The following STXBP4 variants were observed in gnomAD, a reference collection of about 807,000 sequenced individuals.
The protein encoded by STXBP4 is syntaxin-binding protein 4.
In STXBP4, 55 loss-of-function variants were observed where a neutral mutation model predicts 76.1. The ratio of observed to expected loss-of-function variants is 0.72; its 90% confidence interval spans 0.58 to 0.91. STXBP4 has a LOEUF of 0.91. STXBP4 is among the 40% of genes least tolerant of loss of function. The probability of loss-of-function intolerance (pLI) is 0.00; values close to 1 mark genes in which losing one functional copy is unlikely to be tolerated. For missense variants in STXBP4, 618 were observed against 636.9 expected, an observed-to-expected ratio of 0.97 and a Z score of 0.32; for synonymous variants, 201 against 220.2, an observed-to-expected ratio of 0.91 and a Z score of 0.77.
At chr17:54,973,064 G>GGGTAGGA (rs1305310297) in intron 1 of STXBP4, among the ~76,000 whole-genome samples, 1 of 152,178 alleles carries the variant, frequency 6.6e-6, no homozygotes, top group Non-Finnish European at 1.5e-5. Flanking sequence ...ATTTTAGAAA[G>GGGTAGGA]GGTAGGAGGA....
At position 55,053,707 on chromosome 17, in the gene STXBP4, T is replaced by C. The variant is rs980449922; in HGVS notation, c.1011+6553T>C. On this transcript the variant is annotated intron_variant, in intron 12 of 17. Transcript: ENST00000376352. ...AAATATTTTTGTACTTTAATTGATA[T>C]GACTTTTTAGTGCTTTTCATTCTGT... 4.6e-5 allele frequency among the ~76,000 whole-genome samples: 7 copies of C among 152,296 alleles called. No homozygotes were observed. The East Asian group carries it at 7.7e-4, about 17-fold the overall frequency.
At chr17:55,145,930 T>C (rs1031868314) in intron 17 of STXBP4, among the ~76,000 whole-genome samples, 1 of 152,216 alleles carries the variant, frequency 6.6e-6, no homozygotes, top group African/African-American at 2.4e-5. Flanking sequence ...TAACAAACCA[T>C]CCATGATCTT....
chr17:55,105,672 G>T (rs1598317853), intron 16 of STXBP4, among the ~76,000 whole-genome samples: 1 of 151,538 alleles, frequency 6.6e-6, no homozygotes, highest in Non-Finnish European at 1.5e-5. Flanking sequence ...TAGAGACGGG[G>T]TTTCACTGTG....
intron 10 of STXBP4, among the ~76,000 whole-genome samples, chr17:55,038,040 A>G (rs573667448): frequency 6.6e-5 from 10 of 152,226 alleles, no homozygotes; most frequent in African/African-American, 2.4e-4. Flanking sequence ...GAATTCCACT[A>G]TGGTTACCCT....
chr17:55,116,980 A>T (rs997330637), intron 16 of STXBP4, among the ~76,000 whole-genome samples: 3 of 151,892 alleles, frequency 2.0e-5, no homozygotes, highest in African/African-American at 7.2e-5. Context: ...AATACTGCAG[A>T]TGAGTTAATA....
intron 16 of STXBP4, among the ~76,000 whole-genome samples, chr17:55,083,349 G>C (rs1339980106): frequency 6.6e-6 from 1 of 152,084 alleles, no homozygotes; most frequent in Admixed American, 6.6e-5. Context: ...AAAGTTGTTT[G>C]ATTATTAAAT....
chr17:55,042,070 G>A (rs949240568), intron 10 of STXBP4, among the ~76,000 whole-genome samples: 2 of 152,134 alleles, frequency 1.3e-5, no homozygotes, highest in African/African-American at 4.8e-5. Context: ...TAATGTGACA[G>A]ACCAAAAAGA....
intron 12 of STXBP4, among the ~76,000 whole-genome samples, chr17:55,053,779 T>A (rs974399043): frequency 6.6e-6 from 1 of 152,188 alleles, no homozygotes; most frequent in Non-Finnish European, 1.5e-5. Context: ...TTTTTACATT[T>A]TAGCGTTTGC....
intron 17 of STXBP4, among the ~76,000 whole-genome samples, chr17:55,153,144 T>C (rs1044288046): frequency 6.6e-6 from 1 of 152,220 alleles, no homozygotes. Flanking sequence ...AAAATAAGAA[T>C]ATAATTCTTT....
intron 8 of STXBP4, among the ~76,000 whole-genome samples, chr17:55,014,223 T>C (rs2078163934): frequency 6.6e-6 from 1 of 152,112 alleles, no homozygotes; most frequent in Non-Finnish European, 1.5e-5. Flanking sequence ...TTGAACAGGA[T>C]GGGCATTCTT....
intron 8 of STXBP4, among the ~76,000 whole-genome samples, chr17:55,015,367 G>C (rs978157639): frequency 6.6e-6 from 1 of 152,170 alleles, no homozygotes; most frequent in African/African-American, 2.4e-5. Flanking sequence ...TCTTTCCTCT[G>C]TTGTCATCCT....
intron 13 of STXBP4, among the ~76,000 whole-genome samples, chr17:55,077,348 G>A (rs1416013018): frequency 1.3e-5 from 2 of 152,104 alleles, no homozygotes; most frequent in African/African-American, 2.4e-5. Flanking sequence ...TGGCTTTTTA[G>A]GCCACACAGA....
chr17:55,073,104 TA>T, intron 13 of STXBP4, 28 bp downstream of exon 13: 1 of 1,606,174 alleles, frequency 6.2e-7, no homozygotes, highest in South Asian at 1.1e-5. Context: ...CTCTTCCAGT[TA>T]CCATGGTTTC....
At chr17:55,043,471 T>TTCAG in intron 11 of STXBP4, 146 bp downstream of exon 11, 1 of 777,102 alleles carries the variant, frequency 1.3e-6, no homozygotes, top group Non-Finnish European at 2.0e-6. Flanking sequence ...AGATTCTTTA[T>TTCAG]TCAGTTGGCC....
intron 12 of STXBP4, among the ~76,000 whole-genome samples, chr17:55,066,816 G>A (rs536302856): frequency 4.8e-4 from 73 of 152,062 alleles, no homozygotes; most frequent in Non-Finnish European, 8.2e-4. Context: ...AACCTGGGAG[G>A]CGGAGGTTGC....
At chr17:55,029,050 T>A (rs1243097348) in intron 8 of STXBP4, among the ~76,000 whole-genome samples, 4 of 149,264 alleles carry the variant, frequency 2.7e-5, no homozygotes, top group African/African-American at 7.4e-5. Context: ...TTCTGTAATT[T>A]AAAAAAAAAA....
intron 8 of STXBP4, among the ~76,000 whole-genome samples, chr17:55,026,869 C>G (rs1567725445): frequency 6.6e-6 from 1 of 152,140 alleles, no homozygotes; most frequent in Non-Finnish European, 1.5e-5. Flanking sequence ...TATGCTGCGG[C>G]CTCAGGCAGA....
chr17:55,211,100 C>G, the STXBP4 span, among the ~76,000 whole-genome samples: 22 of 152,102 alleles, frequency 1.4e-4, no homozygotes, highest in Admixed American at 3.3e-4. Context: ...AATGCCCCCC[C>G]CCATGAAATT....
intron 17 of STXBP4, among the ~76,000 whole-genome samples, chr17:55,151,471 A>G (rs976452021): frequency 5.3e-5 from 8 of 152,224 alleles, no homozygotes; most frequent in African/African-American, 1.9e-4. Flanking sequence ...CAAATGAATG[A>G]TCTCAATATT....
Sources: gnomAD v4.1 joint callset for allele counts (sites outside exome capture counted in the v4.1 genomes callset) on GRCh38, gnomAD v4.1.1 for gene constraint, MANE v1.5 for transcripts, NCBI Gene and HGNC (gene_info 2026-07-23, HGNC 2026-07-21) for gene names.